The following ATRNL1 variants were observed in gnomAD, a reference collection of about 807,000 sequenced individuals.
ATRNL1 encodes the protein attractin like 1.
A neutral mutation model predicts 182.7 loss-of-function variants in ATRNL1; 95 were observed. The observed-to-expected ratio is 0.52, with a 90% confidence interval of 0.44 to 0.62. The LOEUF is 0.62. ATRNL1 is among the 20% of genes least tolerant of loss of function. The pLI is 0.00. For missense variants in ATRNL1, 1,471 were observed against 1,679.5 expected (o/e 0.88, Z 2.17); for synonymous variants, 576 against 568.3 (o/e 1.01, Z -0.19).
At chr10:115,668,427 A>G (rs1555040373) in intron 26 of ATRNL1, among the ~76,000 whole-genome samples, 1 of 152,200 alleles carries the variant, frequency 6.6e-6, no homozygotes, top group African/African-American at 2.4e-5. Context: ...ATCATAAAGC[A>G]TTTAAAATTT....
intron 26 of ATRNL1, among the ~76,000 whole-genome samples, chr10:115,551,727 A>G (rs1339657354): frequency 2.6e-5 from 4 of 151,560 alleles, no homozygotes; most frequent in Non-Finnish European, 4.4e-5. Context: ...AACTATTCAT[A>G]TATTGATGTC....
At chr10:115,452,406 G>T (rs1167230773) in intron 21 of ATRNL1, among the ~76,000 whole-genome samples, 1 of 151,820 alleles carries the variant, frequency 6.6e-6, no homozygotes, top group Admixed American at 6.6e-5. Flanking sequence ...TTAATATTTA[G>T]GTCTTTAATT....
chr10:115,775,754 A>G (rs1451343875), intron 27 of ATRNL1, among the ~76,000 whole-genome samples: 8 of 151,510 alleles, frequency 5.3e-5, no homozygotes, highest in Admixed American at 3.3e-4. Flanking sequence ...TAGGAGTTCA[A>G]GACCAGCCTG....
intron 19 of ATRNL1, among the ~76,000 whole-genome samples, chr10:115,334,654 T>A (rs1855396534): frequency 1.3e-5 from 2 of 152,200 alleles, no homozygotes; most frequent in South Asian, 4.1e-4. Flanking sequence ...TTATTGTAAT[T>A]TCTCAAACAC....
rs138449507 is a variant in ATRNL1 at position 115,371,502 on chromosome 10, G to T, written c.3176-23157G>T. On this transcript the variant is annotated intron_variant, in intron 19 of 28. Transcript: ENST00000355044. ...GGATGTGAGACATGGAGTCAAAGGAGATCATTTTGGAGCTTTAAAATTTGA... is the reference window on the plus strand; with the variant it reads ...GGATGTGAGACATGGAGTCAAAGGATATCATTTTGGAGCTTTAAAATTTGA... Among the ~76,000 whole-genome samples the T allele has an allele frequency of 6.5e-3, 991 of 152,344 alleles. 10 individuals carry two copies. Among genetic ancestry groups the T allele is most frequent in the African/African-American group, 0.023 (951 of 41,580 alleles).
intron 28 of ATRNL1, among the ~76,000 whole-genome samples, chr10:115,869,065 G>A (rs1951514578): frequency 6.6e-6 from 1 of 151,924 alleles, no homozygotes; most frequent in Non-Finnish European, 1.5e-5. Context: ...TCCTGACCTC[G>A]TGATCCGCCC....
chr10:115,136,289 T>C (rs1554876663), intron 5 of ATRNL1, among the ~76,000 whole-genome samples: 1 of 152,120 alleles, frequency 6.6e-6, no homozygotes, highest in African/African-American at 2.4e-5. Context: ...ATAAAAAAAA[T>C]AGACTTCATA....
At chr10:115,943,149 C>A (rs557682561) in intron 28 of ATRNL1, among the ~76,000 whole-genome samples, 1 of 152,330 alleles carries the variant, frequency 6.6e-6, no homozygotes, top group African/African-American at 2.4e-5. Flanking sequence ...AGTGGTCTTT[C>A]TTCCATGTCC....
chr10:115,543,284 A>T (rs575923212), intron 25 of ATRNL1, among the ~76,000 whole-genome samples: 5 of 152,166 alleles, frequency 3.3e-5, no homozygotes, highest in Non-Finnish European at 7.4e-5. Flanking sequence ...ATCTTTTTCA[A>T]ACTGATGACT....
intron 26 of ATRNL1, among the ~76,000 whole-genome samples, chr10:115,689,187 G>T (rs1277292001): frequency 1.3e-5 from 2 of 152,072 alleles, no homozygotes; most frequent in African/African-American, 2.4e-5. Context: ...ATACCATGCT[G>T]CCTTGTTTAC....
intron 26 of ATRNL1, among the ~76,000 whole-genome samples, chr10:115,600,012 G>C (rs1020646715): frequency 2.0e-5 from 3 of 151,930 alleles, no homozygotes; most frequent in Non-Finnish European, 2.9e-5. Context: ...AGGCAACCAT[G>C]CGTGTGCTTT....
chr10:115,616,694 G>A (rs1857445209), intron 26 of ATRNL1, among the ~76,000 whole-genome samples: 1 of 152,202 alleles, frequency 6.6e-6, no homozygotes, highest in Admixed American at 6.5e-5. Flanking sequence ...AGGCCAAAAG[G>A]ACCGAGGTAC....
intron 27 of ATRNL1, among the ~76,000 whole-genome samples, chr10:115,741,203 C>G (rs1948130554): frequency 6.6e-6 from 1 of 151,880 alleles, no homozygotes; most frequent in Non-Finnish European, 1.5e-5. Flanking sequence ...GTTATTAATG[C>G]CAAAAGGACA....
At chr10:115,641,316 C>A (rs1859232297) in intron 26 of ATRNL1, among the ~76,000 whole-genome samples, 2 of 152,136 alleles carry the variant, frequency 1.3e-5, no homozygotes, top group South Asian at 4.1e-4. Context: ...TGATGCTTCT[C>A]TATACTCTTC....
At chr10:115,115,808 A>G (rs1417918005) in intron 1 of ATRNL1, among the ~76,000 whole-genome samples, 1 of 152,098 alleles carries the variant, frequency 6.6e-6, no homozygotes, top group Non-Finnish European at 1.5e-5. Context: ...TAAGTTATAT[A>G]TCCATAGTCA....
At chr10:115,615,626 C>T (rs543488548) in intron 26 of ATRNL1, among the ~76,000 whole-genome samples, 60 of 152,140 alleles carry the variant, frequency 3.9e-4, no homozygotes, top group East Asian at 1.7e-3. Context: ...TGGATCATGG[C>T]GGTAGATTCC....
rs183214784 is a variant in ATRNL1 at position 115,122,575 on chromosome 10, A to G, written c.491+763A>G. Among the ~76,000 whole-genome samples the G allele has an allele frequency of 4.0e-4, 61 of 152,106 alleles. No individual in the cohort carries two copies. In the East Asian group the frequency reaches 5.6e-3, roughly 14 times the overall value. ...ATTGCTGGAAATTTAAGTATGGATA[A>G]AAGCTTATTGGTCCCTTCAAAATAT... On this transcript the variant is annotated intron_variant, in intron 3 of 28. Transcript: ENST00000355044.
At chr10:115,702,996 A>ACC (rs1946784689) in intron 26 of ATRNL1, among the ~76,000 whole-genome samples, 1 of 151,320 alleles carries the variant, frequency 6.6e-6, no homozygotes, top group Admixed American at 6.6e-5. Flanking sequence ...AGAACAAACT[A>ACC]TAGACTTCAA....
chr10:115,546,303 A>C (rs1201820107), intron 25 of ATRNL1, among the ~76,000 whole-genome samples: 3 of 151,812 alleles, frequency 2.0e-5, no homozygotes, highest in Non-Finnish European at 2.9e-5. Flanking sequence ...GGTGGCTCAC[A>C]CCTGTAATCC....
Sources: allele counts gnomAD v4.1 joint callset (sites outside exome capture counted in the v4.1 genomes callset), GRCh38; gene constraint gnomAD v4.1.1; transcripts MANE v1.5; gene names NCBI Gene and HGNC (gene_info 2026-07-23, HGNC 2026-07-21).